SLC16A10: variants seen among roughly 807,000 people sequenced by gnomAD.
The protein encoded by SLC16A10 is solute carrier family 16 member 10.
SLC16A10 carries 27 observed loss-of-function variants against 40.0 expected under a neutral mutation model. The observed-to-expected ratio is 0.67, with a 90% CI of 0.50 to 0.93. The LOEUF (loss-of-function observed/expected upper bound fraction) is 0.93, where lower values mean the gene tolerates loss of function less well. Among genes scored for constraint, SLC16A10 ranks in the 40% least tolerant of loss-of-function variants. The pLI, the probability that SLC16A10 is intolerant of heterozygous loss-of-function variation, is 0.00. For missense variants in SLC16A10, 529 were observed against 658.2 expected, an observed-to-expected ratio of 0.80 and a Z score of 2.15; for synonymous variants, 213 against 249.8, an observed-to-expected ratio of 0.85 and a Z score of 1.39.
chr6:111,219,756 A>G (rs1220824884), intron 5 of SLC16A10, among the ~76,000 whole-genome samples: 1 of 152,128 alleles, frequency 6.6e-6, no homozygotes, highest in Non-Finnish European at 1.5e-5. Context: ...GACCTCAAGA[A>G]CATTATGCTA....
In SLC16A10 at chr6:111,218,721, A is replaced by G; in HGVS notation, c.1087-93A>G. On this transcript the variant is annotated intron_variant, in intron 4 of 5. Transcript: ENST00000368851. ...GGCAGTGGCAGGGGGGAAAGGGGGA[A>G]CCAGTAATGACTTAGAAGTCCTAAG... The G allele has an allele frequency of 4.0e-6, 4 of 998,900 alleles. 1 individual carries two copies. In the South Asian group the frequency reaches 5.5e-5, roughly 14 times the overall value. The allele number at this position is 998,900 out of a possible 1,614,324, so 61.9% of individuals were successfully genotyped here.
At chr6:111,203,718 T>TTAAATAAATAAATAAATAAA (rs1773208980) in intron 3 of SLC16A10, among the ~76,000 whole-genome samples, 1 of 30,188 alleles carries the variant, frequency 3.3e-5, no homozygotes, top group Non-Finnish European at 8.3e-5. Context: ...AAACCCCATC[T>TTAAATAAATAAATAAATAAA]CAAATAAATA....
intron 1 of SLC16A10, among the ~76,000 whole-genome samples, chr6:111,168,065 C>T (rs1056289048): frequency 6.6e-6 from 1 of 151,994 alleles, no homozygotes; most frequent in East Asian, 1.9e-4. Context: ...CTGGAAACTC[C>T]ACCTCCCAGA....
intron 1 of SLC16A10, among the ~76,000 whole-genome samples, chr6:111,089,908 GTTTTTTTTTTTTTTTTTTTTTTT>G (rs541758500): frequency 5.0e-4 from 26 of 52,334 alleles, no homozygotes; most frequent in Middle Eastern, 0.03. Context: ...CTGTGGGTGG[GTTTTTTTTTTTTTTTTTTTTTTT>G]TTTTTTTTTT....
chr6:111,190,115 A>G (rs1238004818), intron 3 of SLC16A10, among the ~76,000 whole-genome samples: 2 of 152,188 alleles, frequency 1.3e-5, no homozygotes, highest in African/African-American at 4.8e-5. Flanking sequence ...TTGGGTAAAT[A>G]CACCCATTCC....
chr6:111,214,904 G>C (rs1562435802), intron 4 of SLC16A10, among the ~76,000 whole-genome samples: 1 of 152,094 alleles, frequency 6.6e-6, no homozygotes, highest in Non-Finnish European at 1.5e-5. Context: ...CAGATCACGA[G>C]GTCAAGAGAT....
intron 1 of SLC16A10, among the ~76,000 whole-genome samples, chr6:111,121,383 A>G (rs1771580679): frequency 6.6e-6 from 1 of 152,174 alleles, no homozygotes; most frequent in African/African-American, 2.4e-5. Context: ...GCAACATAGG[A>G]AACCCTGTCT....
At chr6:111,167,559 A>G (rs1169277434) in intron 1 of SLC16A10, among the ~76,000 whole-genome samples, 2 of 152,080 alleles carry the variant, frequency 1.3e-5, no homozygotes, top group African/African-American at 4.8e-5. Context: ...GGGGGAAAAT[A>G]TATATTAGGA....
At chr6:111,141,795 T>C (rs1352415609) in intron 1 of SLC16A10, among the ~76,000 whole-genome samples, 2 of 152,022 alleles carry the variant, frequency 1.3e-5, no homozygotes, top group Admixed American at 1.3e-4. Context: ...ATGAAAGAAA[T>C]AAAAGAACCA....
chr6:111,087,817 C>G lies in SLC16A10; in HGVS notation c.65C>G (p.Pro22Arg). Residue 22 changes from proline to arginine, a missense_variant, in exon 1 of 6, where the codon CCC becomes CGC. By Grantham distance (103) the Pro-to-Arg change is moderately radical (BLOSUM62 -2). Transcript: ENST00000368851. ...ACGAGCGAGGCGCAGCCGCTCGGCC[C>G]CGCGCCCACGGGGGCCGCTCCGCCG... ...RGTSEAQPLG[P>R]APTGAAPPPG... The G allele has an allele frequency of 3.0e-6, 4 of 1,331,218 alleles. No homozygotes were observed. Among genetic ancestry groups the G allele is most frequent in the Non-Finnish European group, 2.9e-6 (3 of 1,048,342 alleles). The allele number at this position is 1,331,218 out of a possible 1,614,324, so 82.5% of individuals were successfully genotyped here.
chr6:111,215,636 G>A (rs1333231457), intron 4 of SLC16A10, among the ~76,000 whole-genome samples: 3 of 152,122 alleles, frequency 2.0e-5, no homozygotes, highest in Non-Finnish European at 2.9e-5. Context: ...TTATAGATAT[G>A]TTTCTAAGAT....
chr6:111,133,034 G>C (rs1263611348), intron 1 of SLC16A10, among the ~76,000 whole-genome samples: 3 of 152,170 alleles, frequency 2.0e-5, no homozygotes, highest in Non-Finnish European at 4.4e-5. Context: ...TGTTGTTTAT[G>C]GGAATGCATC....
chr6:111,120,116 A>G (rs1771558069), intron 1 of SLC16A10, among the ~76,000 whole-genome samples: 1 of 152,262 alleles, frequency 6.6e-6, no homozygotes, highest in African/African-American at 2.4e-5. Flanking sequence ...ATGTCCTCAC[A>G]TTGCAGAACC....
chr6:111,126,777 A>G (rs1448929500), intron 1 of SLC16A10, among the ~76,000 whole-genome samples: 1 of 152,174 alleles, frequency 6.6e-6, no homozygotes, highest in African/African-American at 2.4e-5. Flanking sequence ...AGAAGTTCTT[A>G]TATTTTTATA....
intron 3 of SLC16A10, among the ~76,000 whole-genome samples, chr6:111,198,162 C>T (rs766955252): frequency 6.6e-6 from 1 of 152,102 alleles, no homozygotes; most frequent in Non-Finnish European, 1.5e-5. Context: ...TGGCACACAC[C>T]TGTAATCTCA....
At position 111,087,933 on chromosome 6, in the gene SLC16A10, C is replaced by T. The variant is rs758165599; in HGVS notation, c.181C>T (p.Pro61Ser). The T allele has an allele frequency of 7.5e-6, 12 of 1,602,794 alleles. No homozygotes were observed. The highest frequency in any genetic ancestry group is 2.3e-5 in the East Asian group (1 of 44,104). The change falls in exon 1 of 6, where the codon CCC (proline) becomes TCC (serine). Residue 61 changes from proline to serine, a missense_variant. Physicochemically the swap from Pro to Ser is moderately conservative, Grantham distance 74 (BLOSUM62 -1). Transcript: ENST00000368851. Reference protein sequence around the residue: ...AGPATAEPHEPPEPPEGGWGW... With the variant: ...AGPATAEPHESPEPPEGGWGW... ...GCCGGCGACCGCGGAGCCCCATGAG[C>T]CCCCCGAACCCCCCGAGGGCGGCTG...
At chr6:111,161,855 C>A (rs1772378058) in intron 1 of SLC16A10, among the ~76,000 whole-genome samples, 1 of 152,104 alleles carries the variant, frequency 6.6e-6, no homozygotes, top group South Asian at 2.1e-4. Context: ...AACAAAGAAA[C>A]CTCTGGGTTA....
At position 111,218,904 on chromosome 6, in the gene SLC16A10, G is replaced by A. The variant is rs748849221; in HGVS notation, c.1177G>A (p.Gly393Ser). The change falls in exon 5 of 6, where the codon GGT becomes AGT. Residue 393 changes from glycine (G) to serine (S), a missense_variant. Coordinates refer to ENST00000368851, the MANE Select transcript of SLC16A10 (RefSeq NM_018593.5). The stretch of plus-strand genomic sequence containing the variant: ...CCTCATTGCTGTGTGCCTCATCATG[G>A]GTCTCTTCGATGGATGCTTCATTTC... ...GALIAVCLIM[G>S]LFDGCFISIM... 6.2e-7 allele frequency: 1 copy of A among 1,614,006 alleles called. No homozygotes were observed. Among genetic ancestry groups the A allele is most frequent in the Non-Finnish European group, 8.5e-7 (1 of 1,180,004 alleles).
chr6:111,190,333 C>T (rs1430924990), intron 3 of SLC16A10, among the ~76,000 whole-genome samples: 1 of 152,234 alleles, frequency 6.6e-6, no homozygotes, highest in East Asian at 1.9e-4. Context: ...CCCCTTCTGG[C>T]TGCTTTCATG....
Sources: allele counts gnomAD v4.1 joint callset (sites outside exome capture counted in the v4.1 genomes callset), GRCh38; gene constraint gnomAD v4.1.1; transcripts MANE v1.5; gene names NCBI Gene and HGNC (gene_info 2026-07-23, HGNC 2026-07-21).